PCGF3: variants seen among roughly 807,000 people sequenced by gnomAD.
PCGF3 encodes polycomb group RING finger protein 3.
In PCGF3, 7 loss-of-function variants were observed where a neutral mutation model predicts 33.1. The observed-to-expected ratio is 0.21, with a 90% CI of 0.12 to 0.40. The LOEUF (loss-of-function observed/expected upper bound fraction) is 0.40, where lower values mean the gene tolerates loss of function less well. Ranked by LOEUF, PCGF3 falls within the 10% of genes least tolerant of loss-of-function variation. PCGF3 has a pLI of 1.00. For missense variants in PCGF3, 211 were observed against 313.3 expected (o/e 0.67, Z 2.46); for synonymous variants, 153 against 121.3 (o/e 1.26, Z -1.72).
At chr4:727,831 G>C (rs551931050) in intron 1 of PCGF3, among the ~76,000 whole-genome samples, 1 of 152,284 alleles carries the variant, frequency 6.6e-6, no homozygotes, top group South Asian at 2.1e-4. Context: ...GTCAGTGCCT[G>C]GTTTTGTCAG....
At chr4:739,267 C>G (rs1034056501) in intron 6 of PCGF3, among the ~76,000 whole-genome samples, 1 of 152,130 alleles carries the variant, frequency 6.6e-6, no homozygotes, top group Non-Finnish European at 1.5e-5. Flanking sequence ...GTGGTGCTAT[C>G]ACAGCTCACT....
chr4:742,790 G>T (rs563244810), intron 6 of PCGF3, among the ~76,000 whole-genome samples: 1 of 152,348 alleles, frequency 6.6e-6, no homozygotes, highest in Admixed American at 6.5e-5. Flanking sequence ...GCCTGTGGCT[G>T]TGGCCACAGA....
chr4:740,267 A>G (rs1367623040), intron 6 of PCGF3, among the ~76,000 whole-genome samples: 1 of 152,238 alleles, frequency 6.6e-6, no homozygotes, highest in Non-Finnish European at 1.5e-5. Flanking sequence ...CAGGCCCTCA[A>G]CGCTGTCCCC....
chr4:762,543 A>C (rs1745117811), intron 9 of PCGF3: 1 of 152,302 alleles, frequency 6.6e-6, no homozygotes. Flanking sequence ...CTGTGAAAGG[A>C]CTGGCCAGCA....
intron 1 of PCGF3, among the ~76,000 whole-genome samples, chr4:727,764 A>G (rs1743390863): frequency 1.3e-5 from 2 of 151,166 alleles, no homozygotes; most frequent in Non-Finnish European, 1.5e-5. Context: ...TTTTCTTTGG[A>G]TTTTCACCTC....
chr4:765,115 T>G (rs1323482059), intron 10 of PCGF3, 51 bp downstream of exon 10: 1 of 1,263,224 alleles, frequency 7.9e-7, no homozygotes, highest in Non-Finnish European at 1.2e-6. Flanking sequence ...GCAGTGACTT[T>G]GCTGTGCATC....
At chr4:749,731 T>C (rs7377200) in intron 8 of PCGF3, among the ~76,000 whole-genome samples, 102,201 of 151,944 alleles carry the variant, frequency 0.67, 34,651 homozygotes, top group Admixed American at 0.73. Context: ...GTGATCCACC[T>C]GCCTCGGCTT....
chr4:731,106 C>T (rs955975927), exon 3 of PCGF3: 6 of 398,592 alleles, frequency 1.5e-5, no homozygotes, highest in Admixed American at 1.3e-4. Context: ...GGACGTCTAG[C>T]GGAGGTGAGG....
intron 5 of PCGF3, among the ~76,000 whole-genome samples, chr4:735,611 C>A (rs1267042587): frequency 6.6e-6 from 1 of 152,228 alleles, no homozygotes; most frequent in Non-Finnish European, 1.5e-5. Context: ...AGTTGAATCT[C>A]ATGAGTTTTA....
At chr4:736,050 T>C (rs915374187) in intron 5 of PCGF3, among the ~76,000 whole-genome samples, 1 of 152,068 alleles carries the variant, frequency 6.6e-6, no homozygotes, top group Non-Finnish European at 1.5e-5. Context: ...TTTTTCTTAA[T>C]TTTATTTATT....
chr4:756,044 G>C (rs1744755913), intron 8 of PCGF3, among the ~76,000 whole-genome samples: 1 of 151,132 alleles, frequency 6.6e-6, no homozygotes, highest in African/African-American at 2.4e-5. Context: ...TTACAGAGTA[G>C]CTGGGATTAT....
At chr4:748,191 C>A (rs937634392) in intron 8 of PCGF3, among the ~76,000 whole-genome samples, 4 of 149,896 alleles carry the variant, frequency 2.7e-5, no homozygotes, top group Non-Finnish European at 4.4e-5. Flanking sequence ...TCCATACCCA[C>A]GTCTAGAGAA....
rs116446669 is a variant in PCGF3 at position 721,100 on chromosome 4, C to A, written c.-189-9530C>A. Among the ~76,000 whole-genome samples, 3,776 of 151,768 alleles carry A rather than the reference C, an allele frequency of 0.025. 58 individuals are homozygous for A. Among genetic ancestry groups the A allele is most frequent in the Non-Finnish European group, 0.038 (2,583 of 67,892 alleles). On this transcript the variant is annotated intron_variant, in intron 1 of 10. Coordinates refer to ENST00000362003, the Ensembl canonical transcript of PCGF3. This position sits in a 1 kb window ranked among gnomAD's most constrained non-coding sequence, Gnocchi z 4.1. ...GCTGGGCACCCATGAGGCTGAGGAC[C>A]CTGGGGAGGGAACGCTGCTTGTCGG...
At chr4:716,744 G>C (rs1167504165) in intron 1 of PCGF3, among the ~76,000 whole-genome samples, 1 of 131,062 alleles carries the variant, frequency 7.6e-6, no homozygotes, top group Non-Finnish European at 1.6e-5. Flanking sequence ...ACTGGGCGTC[G>C]GTGCTGGGAC....
chr4:748,182 C>T (rs1265391663), intron 8 of PCGF3, among the ~76,000 whole-genome samples: 1 of 151,690 alleles, frequency 6.6e-6, no homozygotes, highest in Non-Finnish European at 1.5e-5. Flanking sequence ...TGATGAAATT[C>T]CATACCCACG....
intron 8 of PCGF3, 140 bp from the exon 9 acceptor site, chr4:761,139 G>T: frequency 1.8e-6 from 1 of 547,652 alleles, no homozygotes; most frequent in South Asian, 4.2e-5. Context: ...TTTCTGCAGT[G>T]TTGAAGTCAA....
intron 5 of PCGF3, among the ~76,000 whole-genome samples, chr4:736,293 C>T (rs987840864): frequency 2.6e-5 from 4 of 152,150 alleles, no homozygotes; most frequent in Non-Finnish European, 4.4e-5. Context: ...GGTCATCTGC[C>T]CGCCTCAGTC....
At chr4:709,654 A>G (rs899329706) in intron 1 of PCGF3, among the ~76,000 whole-genome samples, 1 of 152,266 alleles carries the variant, frequency 6.6e-6, no homozygotes, top group Admixed American at 6.5e-5. Context: ...GGGCAGTACA[A>G]TGAGGTGTAA....
intron 5 of PCGF3, 25 bp downstream of exon 5, chr4:735,052 C>T (rs759547090): frequency 2.5e-6 from 4 of 1,605,862 alleles, no homozygotes; most frequent in Admixed American, 3.4e-5. Flanking sequence ...TCCCAGGCCA[C>T]AGTACGTGGG....
Sources: allele counts gnomAD v4.1 joint callset (sites outside exome capture counted in the v4.1 genomes callset), GRCh38; gene constraint gnomAD v4.1.1; non-coding constraint Gnocchi (gnomAD v3.1); transcripts MANE v1.5; gene names NCBI Gene and HGNC (gene_info 2026-07-23, HGNC 2026-07-21).